Variants in MEOX1 observed in about 807,000 individuals in gnomAD.
MEOX1 encodes the protein mesenchyme homeobox 1.
In MEOX1, 17 loss-of-function variants were observed where a neutral mutation model predicts 23.2. The observed-to-expected ratio is 0.73, with a 90% CI of 0.50 to 1.10. The LOEUF is 1.10. Among genes scored for constraint, MEOX1 ranks in the 50% least tolerant of loss-of-function variants. MEOX1 has a pLI of 0.00. For synonymous variants in MEOX1, 134 were observed against 135.1 expected, an observed-to-expected ratio of 0.99 and a Z score of 0.06; for missense variants, 333 against 332.2, an observed-to-expected ratio of 1.00 and a Z score of -0.02.
chr17:43,657,030 C>CTTTA (rs1555567832), intron 1 of MEOX1, among the ~76,000 whole-genome samples: 1 of 129,102 alleles, frequency 7.7e-6, no homozygotes, highest in African/African-American at 2.8e-5. Flanking sequence ...TTCTTTCTTT[C>CTTTA]TTTCTTTCTT....
At chr17:43,644,911 G>A (rs1972774042) in intron 1 of MEOX1, among the ~76,000 whole-genome samples, 1 of 151,890 alleles carries the variant, frequency 6.6e-6, no homozygotes, top group South Asian at 2.1e-4. Context: ...GCAAGACTAC[G>A]TCTTGAAAAA....
At chr17:43,651,806 C>T (rs978895749) in intron 1 of MEOX1, among the ~76,000 whole-genome samples, 3 of 152,214 alleles carry the variant, frequency 2.0e-5, no homozygotes, top group African/African-American at 7.2e-5. Context: ...AATCCTGAGT[C>T]CCTAGCATGG....
chr17:43,659,356 C>T (rs1973098552), intron 1 of MEOX1, among the ~76,000 whole-genome samples: 1 of 152,190 alleles, frequency 6.6e-6, no homozygotes, highest in African/African-American at 2.4e-5. Flanking sequence ...GGATGGGGAT[C>T]TAACTGGCTG....
chr17:43,659,764 G>A (rs563306824), intron 1 of MEOX1, among the ~76,000 whole-genome samples: 19 of 152,274 alleles, frequency 1.2e-4, no homozygotes, highest in African/African-American at 4.3e-4. Context: ...TCCCAAACCC[G>A]TGGGACTCAA....
chr17:43,641,867 G>C lies in MEOX1; in HGVS notation c.*43C>G, dbSNP rs200191753. 325 of 1,580,826 alleles carry C rather than the reference G, an allele frequency of 2.1e-4. No individual in the cohort carries two copies. Among genetic ancestry groups the C allele is most frequent in the Admixed American group, 3.5e-4 (20 of 57,634 alleles). The stretch of plus-strand genomic sequence containing the variant: ...GTGGGATTGGGGTGGGGGTAGTTGG[G>C]TAGGGGGCTCAGTCCTTAGTCATTT... On this transcript the variant is annotated 3_prime_UTR_variant, in exon 3 of 3. Transcript: ENST00000318579.
At chr17:43,655,630 C>T (rs1973001300) in intron 1 of MEOX1, among the ~76,000 whole-genome samples, 1 of 144,930 alleles carries the variant, frequency 6.9e-6, no homozygotes, top group Non-Finnish European at 1.5e-5. Flanking sequence ...TCAACACCTG[C>T]CTCGGCAGCA....
At chr17:43,646,188 G>C (rs1334211608) in intron 1 of MEOX1, among the ~76,000 whole-genome samples, 1 of 152,174 alleles carries the variant, frequency 6.6e-6, no homozygotes, top group African/African-American at 2.4e-5. Context: ...CTCCAGGCCG[G>C]AGAAGGCAGG....
chr17:43,652,216 C>T (rs1051532698), intron 1 of MEOX1, among the ~76,000 whole-genome samples: 10 of 152,224 alleles, frequency 6.6e-5, no homozygotes, highest in South Asian at 4.1e-4. Flanking sequence ...GACATGGACT[C>T]GGGACAAGAG....
intron 1 of MEOX1, among the ~76,000 whole-genome samples, chr17:43,656,009 A>T (rs1973011867): frequency 6.6e-6 from 1 of 152,170 alleles, no homozygotes; most frequent in Admixed American, 6.5e-5. Flanking sequence ...CCCAATTTTT[A>T]AAAAAGGAGA....
intron 1 of MEOX1, among the ~76,000 whole-genome samples, chr17:43,659,376 A>C (rs917153953): frequency 6.6e-6 from 1 of 152,162 alleles, no homozygotes; most frequent in East Asian, 1.9e-4. Context: ...GGCGGTTTAA[A>C]GGGCCCTTCT....
chr17:43,644,778 C>T (rs1249740382), intron 1 of MEOX1, among the ~76,000 whole-genome samples: 4 of 152,086 alleles, frequency 2.6e-5, no homozygotes, highest in African/African-American at 4.8e-5. Flanking sequence ...TAGCTGGGCG[C>T]GGTGGCACGC....
rs745317643 is a variant in MEOX1 at position 43,657,035 on chromosome 17, T to TTTCTTTCTTTC, written c.469+4020_469+4030dup. Among the ~76,000 whole-genome samples, 3 of 132,852 alleles carry TTTCTTTCTTTC rather than the reference T, an allele frequency of 2.3e-5. No homozygotes were observed. The East Asian group carries it at 6.2e-4, about 28-fold the overall frequency. The allele number at this position is 132,852 out of a possible 152,430, so 87.2% of individuals were successfully genotyped here. ...TTCTCTTTCTTTCTTTCTTTCTTTC[T>TTTCTTTCTTTC]TTCTTTCTTTCTTTCTTTCTTTCCT... On this transcript the variant is annotated intron_variant, in intron 1 of 2. Transcript: ENST00000318579.
intron 1 of MEOX1, among the ~76,000 whole-genome samples, chr17:43,648,255 G>T (rs989612938): frequency 3.3e-5 from 5 of 152,060 alleles, no homozygotes; most frequent in Admixed American, 2.6e-4. Flanking sequence ...GGATCATAAG[G>T]TCAGGAGATC....
chr17:43,641,831 A>C lies in MEOX1; in HGVS notation c.*79T>G, dbSNP rs1972699156. The C allele has an allele frequency of 7.0e-7, 1 of 1,434,198 alleles. No individual in the cohort carries two copies. The highest frequency in any genetic ancestry group is 2.4e-5 in the East Asian group (1 of 42,470). 88.8% of individuals were successfully genotyped at this position (1,434,198 alleles called of 1,614,324 possible). On this transcript the variant is annotated 3_prime_UTR_variant, in exon 3 of 3. Coordinates refer to ENST00000318579, the MANE Select transcript of MEOX1 (RefSeq NM_004527.4). ...AGAGGCTGCCCTGGCTGGGGAAGGA[A>C]GAGGGTGAAGGTGGGATTGGGGTGG...
chr17:43,661,343 G>A lies in MEOX1; in HGVS notation c.192C>T (p.Ala64=). ...TGTGTGGGGTGGCTGCCAGGCAGGA[G>A]GCTGAGAAGTCAGGGTACGCTGCCG... ...TATAAYPDFS[A]SCLAATPHSL... The change falls in exon 1 of 3, where the codon GCC becomes GCT. Residue 64 remains alanine, a synonymous_variant. Coordinates refer to ENST00000318579, the MANE Select transcript of MEOX1 (RefSeq NM_004527.4). 1 of 1,613,894 alleles carries A rather than the reference G, an allele frequency of 6.2e-7. No individual in the cohort carries two copies. The highest frequency in any genetic ancestry group is 1.1e-5 in the South Asian group (1 of 91,054).
chr17:43,650,152 G>A (rs1361007567), intron 1 of MEOX1, among the ~76,000 whole-genome samples: 1 of 152,154 alleles, frequency 6.6e-6, no homozygotes, highest in African/African-American at 2.4e-5. Context: ...AGTTGACAAG[G>A]GATTTCTTTC....
intron 1 of MEOX1, among the ~76,000 whole-genome samples, chr17:43,650,951 G>A (rs1260191414): frequency 2.0e-5 from 3 of 152,082 alleles, no homozygotes; most frequent in Non-Finnish European, 4.4e-5. Flanking sequence ...CATCGGCAGG[G>A]CTCCCAGCCT....
intron 1 of MEOX1, among the ~76,000 whole-genome samples, chr17:43,657,258 C>T (rs1973055367): frequency 6.7e-6 from 1 of 149,028 alleles, no homozygotes; most frequent in Non-Finnish European, 1.5e-5. Context: ...CTGCAATCTC[C>T]ACCTCCCAAG....
At chr17:43,660,182 T>C (rs1469402766) in intron 1 of MEOX1, among the ~76,000 whole-genome samples, 1 of 152,172 alleles carries the variant, frequency 6.6e-6, no homozygotes, top group Non-Finnish European at 1.5e-5. Context: ...ACAGGTATAG[T>C]GAGCAACCAG....
Sources: gnomAD v4.1 joint callset for allele counts (sites outside exome capture counted in the v4.1 genomes callset) on GRCh38, gnomAD v4.1.1 for gene constraint, MANE v1.5 for transcripts, NCBI Gene and HGNC (gene_info 2026-07-23, HGNC 2026-07-21) for gene names.